NAA16: variants seen among roughly 807,000 people sequenced by gnomAD.
NAA16 encodes the protein NARG1-like protein.
Under a neutral mutation model 110.3 loss-of-function variants are expected in NAA16, and 97 were observed. The ratio of observed to expected loss-of-function variants is 0.88; its 90% CI spans 0.75 to 1.04. The LOEUF (loss-of-function observed/expected upper bound fraction) is 1.04. NAA16 is among the 50% of genes least tolerant of loss of function. The pLI is 0.00. For missense variants in NAA16, 1,017 were observed against 1,005.1 expected (o/e 1.01, Z -0.16); for synonymous variants, 372 against 330.6 (o/e 1.13, Z -1.36).
intron 8 of NAA16, among the ~76,000 whole-genome samples, chr13:41,333,901 A>C (rs2139422534): frequency 6.6e-6 from 1 of 152,118 alleles, no homozygotes; most frequent in East Asian, 1.9e-4. Flanking sequence ...TAGACTCTCT[A>C]GGACATGCTG....
intron 3 of NAA16, among the ~76,000 whole-genome samples, chr13:41,320,218 G>A (rs1286314040): frequency 6.6e-6 from 1 of 152,114 alleles, no homozygotes; most frequent in African/African-American, 2.4e-5. Context: ...TTTAGAATTG[G>A]TTGACTAAAT....
chr13:41,333,853 T>A (rs77272909), intron 8 of NAA16, among the ~76,000 whole-genome samples: 23 of 152,012 alleles, frequency 1.5e-4, no homozygotes, highest in African/African-American at 5.3e-4. Flanking sequence ...TTTTTTTTTT[T>A]ATTGTAAAGT....
intron 15 of NAA16, among the ~76,000 whole-genome samples, chr13:41,369,822 C>G (rs529837711): frequency 1.3e-5 from 2 of 152,156 alleles, no homozygotes; most frequent in Non-Finnish European, 2.9e-5. Context: ...ATTCCCCCTT[C>G]GAATCTCCAA....
intron 3 of NAA16, among the ~76,000 whole-genome samples, chr13:41,319,601 C>T (rs915802967): frequency 2.0e-5 from 3 of 152,122 alleles, no homozygotes; most frequent in African/African-American, 7.2e-5. Flanking sequence ...ACTGCAACCT[C>T]CACCTCTTGG....
chr13:41,316,705 C>T (rs940827353), intron 1 of NAA16, 141 bp from the exon 2 acceptor site: 1 of 587,042 alleles, frequency 1.7e-6, no homozygotes, highest in South Asian at 2.1e-5. Context: ...CAAAAGTACA[C>T]TGCATGTTTG....
chr13:41,322,145 G>A (rs949256307), intron 4 of NAA16, among the ~76,000 whole-genome samples: 1 of 152,272 alleles, frequency 6.6e-6, no homozygotes, highest in Middle Eastern at 3.4e-3. Context: ...CTACTTGAGA[G>A]GCTGATGTAG....
intron 16 of NAA16, 199 bp from the exon 17 acceptor site, chr13:41,372,533 G>T: frequency 1.0e-6 from 1 of 985,254 alleles, no homozygotes; most frequent in South Asian, 4.7e-5. Flanking sequence ...TTGTCTACCT[G>T]AAGCAATTTT....
chr13:41,358,654 G>T, intron 11 of NAA16, 156 bp from the exon 12 acceptor site: 1 of 1,430,852 alleles, frequency 7.0e-7, no homozygotes. Context: ...GTAATCATTT[G>T]AGCTCTTAGT....
intron 13 of NAA16, chr13:41,362,714 C>A (rs1298497710): frequency 1.4e-5 from 18 of 1,289,550 alleles, no homozygotes; most frequent in Non-Finnish European, 1.7e-5. Flanking sequence ...TTTTCCTGTT[C>A]TTTGTCATCT....
intron 1 of NAA16, among the ~76,000 whole-genome samples, chr13:41,316,025 C>T (rs2041799971): frequency 6.6e-6 from 1 of 152,182 alleles, no homozygotes; most frequent in Admixed American, 6.5e-5. Flanking sequence ...TCGCCTTGGC[C>T]TCCCAAAGCA....
At chr13:41,325,543 A>AT (rs1318584337) in intron 5 of NAA16, among the ~76,000 whole-genome samples, 155 bp from the exon 6 acceptor site, 2 of 151,698 alleles carry the variant, frequency 1.3e-5, no homozygotes, top group East Asian at 1.9e-4. Flanking sequence ...TAATGCATTC[A>AT]TTTTTTGTGT....
intron 2 of NAA16, among the ~76,000 whole-genome samples, chr13:41,318,010 A>G (rs896881651): frequency 6.6e-5 from 10 of 152,318 alleles, no homozygotes; most frequent in African/African-American, 2.4e-4. Context: ...ACTTGCTATC[A>G]AAAATGAAGT....
chr13:41,374,038 G>T (rs190337593), intron 18 of NAA16, among the ~76,000 whole-genome samples: 132 of 152,162 alleles, frequency 8.7e-4, no homozygotes, highest in African/African-American at 2.9e-3. Flanking sequence ...GTGCGGGATT[G>T]AACATACAAT....
chr13:41,351,776 G>A (rs569840203), intron 9 of NAA16, among the ~76,000 whole-genome samples: 12 of 15,378 alleles, frequency 7.8e-4, no homozygotes, highest in African/African-American at 3.1e-3. Context: ...TAAGAAAAAT[G>A]TGGGGCCATA....
intron 1 of NAA16, 32 bp downstream of exon 1, chr13:41,311,614 CG>C: frequency 6.3e-7 from 1 of 1,590,964 alleles, no homozygotes. Flanking sequence ...TGCCGCCCCC[CG>C]GTCCCCGGGT....
In NAA16 at chr13:41,331,336, A is replaced by G. The variant is rs1181838212; in HGVS notation, c.874A>G (p.Thr292Ala). 16 of 1,609,590 alleles carry G rather than the reference A, an allele frequency of 9.9e-6. No homozygotes were observed. Among genetic ancestry groups the G allele is most frequent in the Non-Finnish European group, 1.2e-5 (14 of 1,177,202 alleles). Residue 292 changes from threonine to alanine, a missense_variant, in exon 8 of 20, where the codon ACA becomes GCA. Coordinates refer to ENST00000379406, the MANE Select transcript of NAA16 (RefSeq NM_024561.5). ...EISKQHPKAI[T>A]PRRLPLTLVP... ...TAGTAAGCAGCACCCCAAAGCAATT[A>G]CACCCAGAAGATTACCTTTGACTCT...
rs758488896 is a variant in NAA16, at chr13:41,323,107, A to G, written c.454A>G (p.Ile152Val). Reference sequence around the variant, plus strand: ...GCGCCCCACACAGCGTGCCTCCTGGATTGGATATGCTATTGCATACCATTT... The same window carrying G: ...GCGCCCCACACAGCGTGCCTCCTGGGTTGGATATGCTATTGCATACCATTT... Reference protein sequence around the residue: ...QLRPTQRASWIGYAIAYHLLK... With the variant: ...QLRPTQRASWVGYAIAYHLLK... Residue 152 changes from isoleucine (I) to valine (V), a missense_variant, in exon 5 of 20, where the codon ATT becomes GTT. Coordinates refer to ENST00000379406, the MANE Select transcript of NAA16 (RefSeq NM_024561.5). 12 of 1,614,012 alleles carry G rather than the reference A, an allele frequency of 7.4e-6. No homozygotes were observed. The highest frequency in any genetic ancestry group is 2.7e-5 in the African/African-American group (2 of 74,914).
intron 10 of NAA16, among the ~76,000 whole-genome samples, chr13:41,357,637 C>T (rs569842643): frequency 6.6e-6 from 1 of 152,246 alleles, no homozygotes; most frequent in East Asian, 1.9e-4. Flanking sequence ...TATGTCTTCC[C>T]TTCTGAAATC....
intron 9 of NAA16, among the ~76,000 whole-genome samples, chr13:41,346,118 T>A (rs1001136408): frequency 1.3e-5 from 2 of 152,258 alleles, no homozygotes; most frequent in Non-Finnish European, 2.9e-5. Flanking sequence ...TGTTTACTTG[T>A]AAGAGTTTGC....
Sources: allele counts gnomAD v4.1 joint callset (sites outside exome capture counted in the v4.1 genomes callset), GRCh38; gene constraint gnomAD v4.1.1; transcripts MANE v1.5; gene names NCBI Gene and HGNC (gene_info 2026-07-23, HGNC 2026-07-21).